Variants in ATG4B observed in about 807,000 individuals in gnomAD.
The protein encoded by ATG4B is cysteine protease ATG4B.
ATG4B carries 29 observed loss-of-function variants against 56.6 expected under a neutral mutation model. The ratio of observed to expected loss-of-function variants is 0.51; its 90% CI spans 0.38 to 0.70. The LOEUF (loss-of-function observed/expected upper bound fraction) is 0.70. ATG4B is among the 30% of genes least tolerant of loss of function. The pLI, the probability that ATG4B is intolerant of heterozygous loss-of-function variation, is 0.00. For missense variants in ATG4B, 461 were observed against 515.5 expected (o/e 0.89, Z 1.02); for synonymous variants, 224 against 206.1 (o/e 1.09, Z -0.74).
intron 1 of ATG4B, among the ~76,000 whole-genome samples, chr2:241,644,537 C>G (rs34983011): frequency 1.3e-5 from 2 of 152,098 alleles, no homozygotes; most frequent in South Asian, 2.1e-4. Flanking sequence ...CTGTAGCTAT[C>G]GACCAGGCTC....
chr2:241,637,986 A>G (rs940849332), intron 1 of ATG4B, among the ~76,000 whole-genome samples: 8 of 151,206 alleles, frequency 5.3e-5, no homozygotes, highest in African/African-American at 7.3e-5. Flanking sequence ...TCCCGTCCGG[A>G]GCGCTCCGGA....
Position 241,643,812 on chromosome 2 carries a change from C to G in ATG4B, c.10+6088C>G, listed in dbSNP as rs142902749. Among the ~76,000 whole-genome samples, 855 of 151,712 alleles carry G rather than the reference C, an allele frequency of 5.6e-3. 13 individuals are homozygous for G. Among genetic ancestry groups the G allele is most frequent in the African/African-American group, 0.02 (812 of 41,290 alleles). The stretch of plus-strand genomic sequence containing the variant: ...CCTTGACCTCAGGTGATCCACCCAC[C>G]TTGGCCTCCTAAAGTGCTGGGATTA... On this transcript the variant is annotated intron_variant, in intron 1 of 12. Coordinates refer to ENST00000404914, the MANE Select transcript of ATG4B (RefSeq NM_013325.5).
chr2:241,655,243 G>A, intron 5 of ATG4B, 28 bp from the exon 6 acceptor site: 1 of 1,597,920 alleles, frequency 6.3e-7, no homozygotes, highest in East Asian at 2.3e-5. Flanking sequence ...GCGGGTGTGT[G>A]TTGCTAATGT....
intron 1 of ATG4B, among the ~76,000 whole-genome samples, chr2:241,646,726 A>G (rs959178743): frequency 2.0e-5 from 3 of 151,216 alleles, no homozygotes; most frequent in African/African-American, 7.3e-5. Flanking sequence ...TTCTGAGCAC[A>G]TTTAAGGCAG....
At chr2:241,661,754 C>T (rs1056636178) in intron 7 of ATG4B, among the ~76,000 whole-genome samples, 2 of 151,800 alleles carry the variant, frequency 1.3e-5, no homozygotes, top group Admixed American at 1.3e-4. Flanking sequence ...CCAACCCATC[C>T]CCCCCGCAAC....
intron 7 of ATG4B, among the ~76,000 whole-genome samples, chr2:241,666,191 C>T (rs1357029098): frequency 3.9e-5 from 6 of 152,212 alleles, no homozygotes; most frequent in Non-Finnish European, 7.3e-5. Flanking sequence ...CTCCCATCAC[C>T]GCACCCTCCG....
chr2:241,673,811 A>G lies in ATG4B; in HGVS notation c.*1547A>G, dbSNP rs1357716330. Reference sequence around the variant, plus strand: ...GAATGTTGTTCATTCTTAGTAGTATAGTTTGCAATTCTTAATGGCAAATAA... The same window carrying G: ...GAATGTTGTTCATTCTTAGTAGTATGGTTTGCAATTCTTAATGGCAAATAA... On this transcript the variant is annotated 3_prime_UTR_variant, in exon 13 of 13. Transcript: ENST00000404914. 2.3e-6 allele frequency: 1 copy of G among 437,614 alleles called. No individual in the cohort carries two copies. The highest frequency in any genetic ancestry group is 4.7e-6 in the Non-Finnish European group (1 of 213,568). The allele number at this position is 437,614 out of a possible 1,614,324, so 27.1% of individuals were successfully genotyped here.
chr2:241,653,293 T>C, intron 3 of ATG4B: 1 of 1,526,864 alleles, frequency 6.5e-7, no homozygotes, highest in Non-Finnish European at 8.9e-7. Context: ...TTCATGTGTT[T>C]TGCCCATTTT....
chr2:241,654,578 G>C lies in ATG4B; in HGVS notation c.316G>C (p.Asp106His), dbSNP rs1411388171. The C allele has an allele frequency of 1.9e-6, 3 of 1,601,820 alleles. No individual in the cohort carries two copies. The highest frequency in any genetic ancestry group is 1.7e-5 in the Admixed American group (1 of 58,188). Reference protein sequence around the residue: ...WRWTQRKRQPDSYFSVLNAFI... With the variant: ...WRWTQRKRQPHSYFSVLNAFI... The stretch of plus-strand genomic sequence containing the variant: ...GTGGACACAAAGGAAGAGGCAGCCA[G>C]ACAGCTACTTCAGCGTCCTCAACGC... Residue 106 changes from aspartate (D) to histidine (H), a missense_variant, in exon 5 of 13, where the codon GAC becomes CAC. Coordinates refer to ENST00000404914, the MANE Select transcript of ATG4B (RefSeq NM_013325.5).
chr2:241,666,482 A>C (rs2068775435), intron 7 of ATG4B, 163 bp from the exon 8 acceptor site: 1 of 731,694 alleles, frequency 1.4e-6, no homozygotes, highest in Non-Finnish European at 2.3e-6. Context: ...GATTATGAAA[A>C]AATTTTCTTA....
intron 1 of ATG4B, among the ~76,000 whole-genome samples, chr2:241,650,601 C>T (rs2068200550): frequency 6.6e-6 from 1 of 152,072 alleles, no homozygotes. Context: ...TTATTTTTGT[C>T]CTTTACTTTT....
At chr2:241,637,799 G>T in intron 1 of ATG4B, 75 bp downstream of exon 1, 2 of 1,465,754 alleles carry the variant, frequency 1.4e-6, no homozygotes, top group African/African-American at 1.5e-5. Context: ...CTCGGGTCGG[G>T]CTGCCGCGAC....
intron 1 of ATG4B, among the ~76,000 whole-genome samples, chr2:241,639,473 G>A (rs942581198): frequency 6.6e-5 from 10 of 152,200 alleles, no homozygotes; most frequent in African/African-American, 2.4e-4. Flanking sequence ...GCCCTTTGCC[G>A]GCAGAGGGCC....
intron 1 of ATG4B, among the ~76,000 whole-genome samples, chr2:241,643,639 CAT>C (rs1267079859): frequency 1.0e-4 from 15 of 145,122 alleles, no homozygotes; most frequent in South Asian, 2.2e-4. Context: ...AATATATACA[CAT>C]ATATGTATAA....
At chr2:241,641,190 G>A (rs1005847577) in intron 1 of ATG4B, among the ~76,000 whole-genome samples, 4 of 152,200 alleles carry the variant, frequency 2.6e-5, no homozygotes, top group African/African-American at 9.7e-5. Context: ...TTGGAAGTTG[G>A]GAGAGGGATG....
intron 8 of ATG4B, chr2:241,667,855 C>T (rs544893810): frequency 5.7e-5 from 23 of 401,716 alleles, no homozygotes; most frequent in Middle Eastern, 6.8e-4. Context: ...GGCCACCTCC[C>T]GCACCCCTGC....
chr2:241,659,288 A>C, intron 7 of ATG4B, 101 bp downstream of exon 7: 1 of 1,066,206 alleles, frequency 9.4e-7, no homozygotes, highest in South Asian at 1.3e-5. Context: ...GAGTGTTGTC[A>C]GTCGCCCCAT....
chr2:241,664,166 A>G (rs2068686776), intron 7 of ATG4B, among the ~76,000 whole-genome samples: 1 of 152,190 alleles, frequency 6.6e-6, no homozygotes, highest in African/African-American at 2.4e-5. Context: ...TAAATTTATT[A>G]GAACTAACAC....
chr2:241,672,041 A>G, intron 12 of ATG4B, 150 bp from the exon 13 acceptor site: 1 of 1,387,334 alleles, frequency 7.2e-7, no homozygotes. Flanking sequence ...AGGTCTGCAC[A>G]ACCCCCGGAC....
Sources: gnomAD v4.1 joint callset for allele counts (sites outside exome capture counted in the v4.1 genomes callset) on GRCh38, gnomAD v4.1.1 for gene constraint, MANE v1.5 for transcripts, NCBI Gene and HGNC (gene_info 2026-07-23, HGNC 2026-07-21) for gene names.